TLK2: variants seen among roughly 807,000 people sequenced by gnomAD.
TLK2 encodes the protein serine/threonine-protein kinase tousled-like 2.
Under a neutral mutation model 117.3 loss-of-function variants are expected in TLK2, and 6 were observed. The observed-to-expected ratio is 0.05, with a 90% CI of 0.03 to 0.10. The LOEUF is 0.10. Ranked by LOEUF, TLK2 falls within the 10% of genes least tolerant of loss-of-function variation. The pLI, the probability that TLK2 is intolerant of heterozygous loss-of-function variation, is 1.00. For missense variants in TLK2, 299 were observed against 901.2 expected (o/e 0.33, Z 8.56); for synonymous variants, 257 against 316.7 (o/e 0.81, Z 2.00).
At position 62,518,701 on chromosome 17, in the gene TLK2, G is replaced by A. The variant is rs576336381; in HGVS notation, c.82-2072G>A. Among the ~76,000 whole-genome samples the A allele has an allele frequency of 1.9e-4, 28 of 150,706 alleles. No individual in the cohort carries two copies. In the South Asian group the frequency reaches 5.6e-3, roughly 30 times the overall value. On this transcript the variant is annotated intron_variant, in intron 2 of 21. Coordinates refer to ENST00000346027, the MANE Select transcript of TLK2 (RefSeq NM_006852.6). ...AGCCTGGGCTACAGAGCGAGACTCC[G>A]TCTCCAAAAAAAAAAGAAAGAAAGG...
chr17:62,605,695 A>G (rs1459765922), intron 19 of TLK2, among the ~76,000 whole-genome samples: 2 of 152,096 alleles, frequency 1.3e-5, no homozygotes, highest in Non-Finnish European at 2.9e-5. Context: ...ATATAAGTCT[A>G]AGTTGACTGT....
intron 2 of TLK2, among the ~76,000 whole-genome samples, chr17:62,482,237 C>A (rs1372052196): frequency 6.6e-6 from 1 of 152,120 alleles, no homozygotes; most frequent in African/African-American, 2.4e-5. Flanking sequence ...GCAGGAGCCA[C>A]TGTGCCTGGC....
At chr17:62,520,671 C>G in intron 2 of TLK2, 102 bp from the exon 3 acceptor site, 1 of 1,083,840 alleles carries the variant, frequency 9.2e-7, no homozygotes. Flanking sequence ...CAGTGAAACT[C>G]TGTCTAAAAA....
intron 7 of TLK2, among the ~76,000 whole-genome samples, chr17:62,548,831 G>A (rs1435031563): frequency 6.6e-6 from 1 of 151,360 alleles, no homozygotes; most frequent in Non-Finnish European, 1.5e-5. Flanking sequence ...CCACCTCCTG[G>A]GTTAAAGCAG....
intron 2 of TLK2, among the ~76,000 whole-genome samples, chr17:62,503,609 G>A (rs2074404167): frequency 6.6e-6 from 1 of 151,718 alleles, no homozygotes; most frequent in Non-Finnish European, 1.5e-5. Flanking sequence ...AGGAGAGATG[G>A]GGTTTTGCCA....
intron 17 of TLK2, among the ~76,000 whole-genome samples, chr17:62,598,529 C>CT (rs1206412003): frequency 2.1e-4 from 31 of 148,448 alleles, no homozygotes; most frequent in East Asian, 7.9e-4. Flanking sequence ...GGTTGTTTTC[C>CT]TTTTTTTTTT....
chr17:62,582,741 T>C (rs1273669372), intron 15 of TLK2, among the ~76,000 whole-genome samples: 3 of 152,220 alleles, frequency 2.0e-5, no homozygotes, highest in Non-Finnish European at 2.9e-5. Context: ...TCTCAAACTT[T>C]CTTTCATCTT....
intron 2 of TLK2, chr17:62,516,739 G>T (rs1467525367): frequency 1.2e-5 from 19 of 1,587,918 alleles, no homozygotes; most frequent in Non-Finnish European, 1.5e-5. Flanking sequence ...TTCATAAATG[G>T]CAATCCAGTT....
chr17:62,516,654 C>G (rs2075618771), intron 2 of TLK2: 2 of 1,609,840 alleles, frequency 1.2e-6, no homozygotes, highest in Admixed American at 1.7e-5. Context: ...TGGGCACATT[C>G]TTGTCTGCCA....
At chr17:62,555,811 G>A (rs1438629988) in intron 9 of TLK2, among the ~76,000 whole-genome samples, 1 of 151,656 alleles carries the variant, frequency 6.6e-6, no homozygotes, top group Non-Finnish European at 1.5e-5. Flanking sequence ...TTTTGAGACA[G>A]GATCTCACTC....
Position 62,591,760 on chromosome 17 carries a change from T to C in TLK2, c.1461-4825T>C, listed in dbSNP as rs577269315. ...CCTAATTTTTCCCTCAGCTTTTCTT[T>C]AGTTAGTGCTTTTCTTTGGTATACT... is the stretch of plus-strand genomic sequence containing the variant. On this transcript the variant is annotated intron_variant, in intron 16 of 21. Coordinates refer to ENST00000346027, the MANE Select transcript of TLK2 (RefSeq NM_006852.6). 7.2e-5 allele frequency among the ~76,000 whole-genome samples: 11 copies of C among 152,324 alleles called. 1 individual carries two copies. Among genetic ancestry groups the C allele is most frequent in the Admixed American group, 7.2e-4 (11 of 15,292 alleles).
At chr17:62,526,918 T>C (rs1487157091) in intron 6 of TLK2, among the ~76,000 whole-genome samples, 1 of 152,192 alleles carries the variant, frequency 6.6e-6, no homozygotes, top group East Asian at 1.9e-4. Flanking sequence ...TTCAGACACA[T>C]CCCAGCACTC....
chr17:62,574,218 C>A, intron 12 of TLK2: 1 of 1,403,508 alleles, frequency 7.1e-7, no homozygotes, highest in Admixed American at 2.8e-5. Context: ...AGAAGTGCAT[C>A]TTCTTTCATT....
intron 10 of TLK2, among the ~76,000 whole-genome samples, chr17:62,561,979 A>G (rs993406393): frequency 3.3e-5 from 5 of 152,226 alleles, no homozygotes; most frequent in Non-Finnish European, 5.9e-5. Context: ...TTTGTTTCCA[A>G]AAGAACTGAA....
chr17:62,513,212 T>G (rs1367853825), intron 2 of TLK2, among the ~76,000 whole-genome samples: 1 of 151,574 alleles, frequency 6.6e-6, no homozygotes, highest in Non-Finnish European at 1.5e-5. Flanking sequence ...AAGCAAGGTG[T>G]TTTTTTGTTT....
intron 19 of TLK2, among the ~76,000 whole-genome samples, chr17:62,603,592 A>G (rs1182771213): frequency 6.6e-6 from 1 of 152,156 alleles, no homozygotes; most frequent in Non-Finnish European, 1.5e-5. Context: ...CTTACCTACA[A>G]AAATTCAGTG....
chr17:62,513,780 C>T (rs2075345980), intron 2 of TLK2, among the ~76,000 whole-genome samples: 1 of 152,234 alleles, frequency 6.6e-6, no homozygotes, highest in African/African-American at 2.4e-5. Context: ...CCTCCGTCTC[C>T]TGGGTTCAAG....
chr17:62,545,913 C>A (rs1257055167), intron 7 of TLK2, among the ~76,000 whole-genome samples: 1 of 151,944 alleles, frequency 6.6e-6, no homozygotes, highest in Non-Finnish European at 1.5e-5. Context: ...CAAAGTCTTC[C>A]TTTGCCACTG....
chr17:62,512,362 ACAGG>A (rs1340878792), intron 2 of TLK2, among the ~76,000 whole-genome samples: 8 of 151,244 alleles, frequency 5.3e-5, no homozygotes, highest in Admixed American at 1.3e-4. Flanking sequence ...AGCTGGGATT[ACAGG>A]CATGCACCAC....
Sources: allele counts gnomAD v4.1 joint callset (sites outside exome capture counted in the v4.1 genomes callset), GRCh38; gene constraint gnomAD v4.1.1; transcripts MANE v1.5; gene names NCBI Gene and HGNC (gene_info 2026-07-23, HGNC 2026-07-21).